The following GLRA2 variants were observed in gnomAD, a reference collection of about 807,000 sequenced individuals.
GLRA2 encodes the protein glycine receptor alpha 2.
A neutral mutation model predicts 31.6 loss-of-function variants in GLRA2; 11 were observed. That is an observed-to-expected ratio of 0.35 (90% CI 0.22 to 0.58). GLRA2 has a LOEUF of 0.58. Among genes scored for constraint, GLRA2 ranks in the 20% least tolerant of loss-of-function variants. The pLI, the probability that GLRA2 is intolerant of heterozygous loss-of-function variation, is 0.84. For synonymous variants in GLRA2, 132 were observed against 134.0 expected, an observed-to-expected ratio of 0.99 and a Z score of 0.10; for missense variants, 212 against 351.8, an observed-to-expected ratio of 0.60 and a Z score of 3.18.
intron 2 of GLRA2, among the ~76,000 whole-genome samples, chrX:14,537,720 T>C (rs1303881483): frequency 9.1e-6 from 1 of 110,239 alleles, no homozygotes; most frequent in Non-Finnish European, 1.9e-5. Context: ...TGAATGAGAG[T>C]ATTTGGTTGT....
At chrX:14,485,547 A>G in the GLRA2 span, among the ~76,000 whole-genome samples, 4 of 111,945 alleles carry the variant, frequency 3.6e-5, no homozygotes, top group African/African-American at 1.3e-4. Flanking sequence ...ACTATAGTCA[A>G]GGAAATTAAC....
intron 2 of GLRA2, among the ~76,000 whole-genome samples, chrX:14,569,483 T>C (rs2089854684): frequency 1.8e-5 from 2 of 112,060 alleles, no homozygotes; most frequent in Non-Finnish European, 3.8e-5. Context: ...AAAGAAAATA[T>C]ACAAATAGCC....
the GLRA2 span, among the ~76,000 whole-genome samples, chrX:14,461,912 G>A: frequency 8.9e-6 from 1 of 111,916 alleles, no homozygotes; most frequent in Non-Finnish European, 1.9e-5. Flanking sequence ...TGGTTATTTT[G>A]CCTGTTAATT....
chrX:14,463,145 C>T, the GLRA2 span, among the ~76,000 whole-genome samples: 1 of 111,648 alleles, frequency 9.0e-6, no homozygotes, highest in East Asian at 2.8e-4. Flanking sequence ...AGGTCCACTC[C>T]AGTCCCTGTT....
At chrX:14,551,964 T>C (rs959218599) in intron 2 of GLRA2, among the ~76,000 whole-genome samples, 2 of 112,375 alleles carry the variant, frequency 1.8e-5, no homozygotes, top group Non-Finnish European at 3.8e-5. Flanking sequence ...ATTTACTTGT[T>C]CTTTTCTTAA....
intron 7 of GLRA2, among the ~76,000 whole-genome samples, chrX:14,660,141 G>A (rs751554522): frequency 8.9e-5 from 10 of 111,828 alleles, no homozygotes; most frequent in Non-Finnish European, 1.1e-4. Context: ...CTGTTGGGGG[G>A]CAGGAAAGAA....
At chrX:14,461,879 G>A in the GLRA2 span, among the ~76,000 whole-genome samples, 1 of 112,058 alleles carries the variant, frequency 8.9e-6, no homozygotes, top group Non-Finnish European at 1.9e-5. Flanking sequence ...GTGTGAATTT[G>A]TTCCTGTCAT....
intron 7 of GLRA2, among the ~76,000 whole-genome samples, chrX:14,645,143 A>G (rs888336343): frequency 8.9e-6 from 1 of 111,815 alleles, no homozygotes; most frequent in African/African-American, 3.3e-5. Flanking sequence ...TATTAATAGC[A>G]TAGGTAGGTA....
chrX:14,526,302 C>A (rs778316564), upstream of GLRA2, among the ~76,000 whole-genome samples: 1 of 112,616 alleles, frequency 8.9e-6, no homozygotes, highest in Non-Finnish European at 1.9e-5. Context: ...CATGTGGAAC[C>A]TTTAGGTCAT....
chrX:14,484,058 A>T, the GLRA2 span, among the ~76,000 whole-genome samples: 1 of 111,243 alleles, frequency 9.0e-6, no homozygotes, highest in Admixed American at 9.6e-5. Flanking sequence ...CCTATGTGGG[A>T]CCTTGTGATC....
intron 4 of GLRA2, among the ~76,000 whole-genome samples, chrX:14,601,281 T>C (rs2090271383): frequency 8.9e-6 from 1 of 111,761 alleles, no homozygotes; most frequent in Admixed American, 9.6e-5. Context: ...GTTCTCAGAA[T>C]AGCCCACGGA....
At chrX:14,501,932 C>T in the GLRA2 span, among the ~76,000 whole-genome samples, 1 of 111,399 alleles carries the variant, frequency 9.0e-6, no homozygotes, top group Non-Finnish European at 1.9e-5. Context: ...CGTCTTCCTC[C>T]TATGTCTTTA....
At chrX:14,673,982 T>G (rs1248565640) in intron 7 of GLRA2, among the ~76,000 whole-genome samples, 1 of 112,428 alleles carries the variant, frequency 8.9e-6, no homozygotes, top group Admixed American at 9.4e-5. Context: ...GAGTAATTCT[T>G]CTGACTCATC....
At chrX:14,684,602 G>T (rs968752411) in intron 7 of GLRA2, among the ~76,000 whole-genome samples, 3 of 111,592 alleles carry the variant, frequency 2.7e-5, no homozygotes, top group Non-Finnish European at 5.6e-5. Flanking sequence ...GTTCACTCAT[G>T]ATTTGGCTCT....
chrX:14,621,480 A>G (rs1389552381), intron 7 of GLRA2, among the ~76,000 whole-genome samples: 1 of 110,954 alleles, frequency 9.0e-6, no homozygotes, highest in East Asian at 2.8e-4. Flanking sequence ...CGTCATTTAC[A>G]TTAGGTATTT....
chrX:14,576,018 T>C (rs2147060013), intron 3 of GLRA2, among the ~76,000 whole-genome samples: 1 of 109,088 alleles, frequency 9.2e-6, no homozygotes, highest in South Asian at 4.1e-4. Context: ...CTAAGTATTA[T>C]GGTGCCTGAT....
At chrX:14,693,436 T>C (rs922428847) in intron 8 of GLRA2, among the ~76,000 whole-genome samples, 2 of 111,559 alleles carry the variant, frequency 1.8e-5, no homozygotes, top group Non-Finnish European at 3.8e-5. Flanking sequence ...ACTATAGATA[T>C]GTCTACAACG....
intron 2 of GLRA2, among the ~76,000 whole-genome samples, chrX:14,573,254 C>A (rs2188928): frequency 0.4 from 44,227 of 110,495 alleles, 7,959 homozygotes; most frequent in African/African-American, 0.71. Context: ...GAACCCCACA[C>A]GGACTTCTGA....
upstream of GLRA2, among the ~76,000 whole-genome samples, chrX:14,526,163 G>C (rs2072893539): frequency 8.9e-6 from 1 of 112,005 alleles, no homozygotes; most frequent in African/African-American, 3.2e-5. Flanking sequence ...ACAAAGATGG[G>C]GGACATGATA....
Sources: allele counts gnomAD v4.1 joint callset (sites outside exome capture counted in the v4.1 genomes callset), GRCh38; gene constraint gnomAD v4.1.1; transcripts MANE v1.5; gene names NCBI Gene and HGNC (gene_info 2026-07-23, HGNC 2026-07-21).